The following CCDC43 variants were observed in gnomAD, a reference collection of about 807,000 sequenced individuals.
The protein encoded by CCDC43 is coiled-coil domain containing 43.
CCDC43 carries 20 observed loss-of-function variants against 33.3 expected under a neutral mutation model. The observed-to-expected ratio is 0.60, with a 90% CI of 0.42 to 0.87. The LOEUF is 0.87. CCDC43 is among the 40% of genes least tolerant of loss of function. The pLI is 0.00. For synonymous variants in CCDC43, 104 were observed against 106.5 expected (o/e 0.98, Z 0.14); for missense variants, 248 against 269.9 (o/e 0.92, Z 0.57).
rs1301654231 is a variant in CCDC43, at chr17:44,689,476, G to A, written c.204+74C>T. ...TGAGCCTCTGGGATACCCGGTAGGG[G>A]AGGGAGGGTGCAAAGTACTGACAGG... On this transcript the variant is annotated intron_variant, in intron 1 of 4. Coordinates refer to ENST00000315286, the MANE Select transcript of CCDC43 (RefSeq NM_144609.3). 4.4e-6 allele frequency: 7 copies of A among 1,590,316 alleles called. No individual in the cohort carries two copies. In the East Asian group the frequency reaches 1.4e-4, roughly 31 times the overall value.
Position 44,689,723 on chromosome 17 carries a change from C to G in CCDC43, c.31G>C (p.Ala11Pro). ...CCTCCGCCATCGCCTTCGCCAGGGG[C>G]TATCGCGGCCACTTCGCTGGGCGCC... MAAPSEVAAI[A>P]PGEGDGGGGG... Residue 11 changes from alanine (A) to proline (P), a missense_variant, in exon 1 of 5, where the codon GCC becomes CCC. Transcript: ENST00000315286. 2 of 1,584,554 alleles carry G rather than the reference C, an allele frequency of 1.3e-6. No homozygotes were observed. Among genetic ancestry groups the G allele is most frequent in the East Asian group, 2.3e-5 (1 of 43,150 alleles).
At chr17:44,688,426 T>C (rs1228933224) in intron 1 of CCDC43, 1 of 152,286 alleles carries the variant, frequency 6.6e-6, no homozygotes, top group African/African-American at 2.4e-5. Flanking sequence ...GTGGTGAGAT[T>C]ACAAACATGA....
intron 1 of CCDC43, among the ~76,000 whole-genome samples, chr17:44,685,242 A>G (rs1972217544): frequency 6.6e-6 from 1 of 152,116 alleles, no homozygotes; most frequent in Admixed American, 6.6e-5. Context: ...CCTAAGTCAA[A>G]ACTCCTCTGT....
At chr17:44,679,318 T>A (rs1453528652) in intron 4 of CCDC43, among the ~76,000 whole-genome samples, 2 of 151,900 alleles carry the variant, frequency 1.3e-5, no homozygotes, top group Admixed American at 6.6e-5. Context: ...AACAAAAAAA[T>A]AAGAAAACAA....
chr17:44,677,763 G>A lies in CCDC43; in HGVS notation c.*1093C>T, dbSNP rs1972098613. 6.6e-6 allele frequency: 1 copy of A among 151,938 alleles called. No individual in the cohort carries two copies. Among genetic ancestry groups the A allele is most frequent in the South Asian group, 2.1e-4 (1 of 4,818 alleles). The allele number at this position is 151,938 out of a possible 1,614,324, so 9.4% of individuals were successfully genotyped here. A position where few individuals can be genotyped will look rare whatever the true frequency, so the allele number is the denominator to read the frequency against. Reference sequence around the variant, plus strand: ...TACAAAAACAGACTGGGCCAAATTCGGCCCGTGGGCAGTAGTTTGCCAACC... The same window carrying A: ...TACAAAAACAGACTGGGCCAAATTCAGCCCGTGGGCAGTAGTTTGCCAACC... On this transcript the variant is annotated 3_prime_UTR_variant, in exon 5 of 5. Transcript: ENST00000315286.
At chr17:44,688,475 T>A (rs1972274627) in intron 1 of CCDC43, among the ~76,000 whole-genome samples, 1 of 152,158 alleles carries the variant, frequency 6.6e-6, no homozygotes, top group African/African-American at 2.4e-5. Context: ...TTGATTCTAT[T>A]ACTAGCCTTT....
At chr17:44,687,685 CTGGTACCAAGAAG>C (rs1477719762) in intron 1 of CCDC43, 10 of 151,974 alleles carry the variant, frequency 6.6e-5, no homozygotes, top group Non-Finnish European at 1.2e-4. Flanking sequence ...GATCAAGAAG[CTGGTACCAAGAAG>C]TCTCAAAGTT....
At chr17:44,682,391 T>TA (rs67280453) in intron 2 of CCDC43, among the ~76,000 whole-genome samples, 63,744 of 100,810 alleles carry the variant, frequency 0.63, 20,088 homozygotes, top group Admixed American at 0.67. Flanking sequence ...TCTGCTGCCT[T>TA]AAAAAAAAAA....
At chr17:44,689,367 G>A (rs1464991641) in intron 1 of CCDC43, 183 bp downstream of exon 1, 1 of 792,636 alleles carries the variant, frequency 1.3e-6, no homozygotes, top group Non-Finnish European at 1.9e-6. Context: ...GCAGCTTTCA[G>A]GCTTCCCACA....
chr17:44,683,199 T>TAAAG (rs571686165), intron 2 of CCDC43, among the ~76,000 whole-genome samples: 26 of 152,292 alleles, frequency 1.7e-4, no homozygotes, highest in Non-Finnish European at 2.6e-4. Flanking sequence ...TTTAGCTGAA[T>TAAAG]AAAGCCAAAT....
At chr17:44,680,744 G>A (rs1243948326) in intron 3 of CCDC43, 101 bp from the exon 4 acceptor site, 4 of 819,290 alleles carry the variant, frequency 4.9e-6, no homozygotes, top group Non-Finnish European at 8.5e-6. Context: ...CTGAATGGAG[G>A]GAGCACATTA....
At chr17:44,680,397 C>T (rs1210691005) in intron 4 of CCDC43, among the ~76,000 whole-genome samples, 188 bp downstream of exon 4, 1 of 152,130 alleles carries the variant, frequency 6.6e-6, no homozygotes, top group Non-Finnish European at 1.5e-5. Flanking sequence ...TACTTGTTAA[C>T]TTGTTTTCTC....
Position 44,689,669 on chromosome 17 carries a change from G to T in CCDC43, c.85C>A (p.Arg29=), listed in dbSNP as rs377376704. 2 of 1,612,670 alleles carry T rather than the reference G, an allele frequency of 1.2e-6. No individual in the cohort carries two copies. The highest frequency in any genetic ancestry group is 1.1e-5 in the South Asian group (1 of 90,876). The change falls in exon 1 of 5, where the codon CGG becomes AGG. Residue 29 remains arginine (R), a synonymous_variant. Coordinates refer to ENST00000315286, the MANE Select transcript of CCDC43 (RefSeq NM_144609.3). ...CGGTCCACTCCCAGTGCCTCCAACC[G>T]TCCGTCCAGCCAGGAGCCAAAGCCG... ...GGGFGSWLDG[R]LEALGVDRAV...
Position 44,680,627 on chromosome 17 carries a change from C to T in CCDC43, c.445G>A (p.Asp149Asn), listed in dbSNP as rs772433437. 6.2e-7 allele frequency: 1 copy of T among 1,608,830 alleles called. No individual in the cohort carries two copies. The highest frequency in any genetic ancestry group is 2.2e-5 in the East Asian group (1 of 44,782). ...TTCATTGTGGTAGCACCTGAATCAT[C>T]CTTCTCATCTGCTTCAGTAAGTGAT... Reference protein sequence around the residue: ...TDEEDEADEKDDSGATTMNIG... With the variant: ...TDEEDEADEKNDSGATTMNIG... Residue 149 changes from aspartate (D) to asparagine (N), a missense_variant, in exon 4 of 5, where the codon GAT (aspartate) becomes AAT (asparagine). Physicochemically the swap from Asp to Asn is conservative, Grantham distance 23. Transcript: ENST00000315286.
rs761304877 is a variant in CCDC43 at position 44,689,742 on chromosome 17, G to A, written c.12C>T (p.Pro4=). ...CAGGGGCTATCGCGGCCACTTCGCTGGGCGCCGCCATCTTGGGGTCAGGGT... is the reference window on the plus strand; with the variant it reads ...CAGGGGCTATCGCGGCCACTTCGCTAGGCGCCGCCATCTTGGGGTCAGGGT... MAA[P]SEVAAIAPGE... is the part of the protein sequence containing the mutation. The change falls in exon 1 of 5, where the codon CCC becomes CCT. Residue 4 remains proline, a synonymous_variant. Coordinates refer to ENST00000315286, the MANE Select transcript of CCDC43 (RefSeq NM_144609.3). 1 of 1,561,206 alleles carries A rather than the reference G, an allele frequency of 6.4e-7. No homozygotes were observed. Among genetic ancestry groups the A allele is most frequent in the Admixed American group, 1.9e-5 (1 of 52,158 alleles).
At chr17:44,679,371 A>C (rs568455945) in intron 4 of CCDC43, among the ~76,000 whole-genome samples, 1 of 152,190 alleles carries the variant, frequency 6.6e-6, no homozygotes, top group Non-Finnish European at 1.5e-5. Context: ...ATAAGTACTT[A>C]TATCATTCAA....
Position 44,678,181 on chromosome 17 carries a change from G to A in CCDC43, c.*675C>T, listed in dbSNP as rs754436810. The A allele has an allele frequency of 1.3e-5, 2 of 151,806 alleles. No homozygotes were observed. Among genetic ancestry groups the A allele is most frequent in the Admixed American group, 6.6e-5 (1 of 15,160 alleles). The allele number at this position is 151,806 out of a possible 1,614,324, so 9.4% of individuals were successfully genotyped here. Reference sequence around the variant, plus strand: ...TACATGATTATACAAAATGAATCTAGCCAACAATGATATCCTTGCACCCAA... The same window carrying A: ...TACATGATTATACAAAATGAATCTAACCAACAATGATATCCTTGCACCCAA... On this transcript the variant is annotated 3_prime_UTR_variant, in exon 5 of 5. Transcript: ENST00000315286.
At chr17:44,683,723 A>G in intron 2 of CCDC43, 149 bp downstream of exon 2, 1 of 579,088 alleles carries the variant, frequency 1.7e-6, no homozygotes, top group South Asian at 2.5e-5. Flanking sequence ...CAGTAAAGGT[A>G]ACACAGGCTG....
rs770767662 is a variant in CCDC43, at chr17:44,689,720, G to A, written c.34C>T (p.Pro12Ser). ...AAPSEVAAIA[P>S]GEGDGGGGGF... Reference sequence around the variant, plus strand: ...CCGCCTCCGCCATCGCCTTCGCCAGGGGCTATCGCGGCCACTTCGCTGGGC... The same window carrying A: ...CCGCCTCCGCCATCGCCTTCGCCAGAGGCTATCGCGGCCACTTCGCTGGGC... Residue 12 changes from proline to serine, a missense_variant, in exon 1 of 5, where the codon CCT (proline) becomes TCT (serine). Transcript: ENST00000315286. 44 of 1,586,724 alleles carry A rather than the reference G, an allele frequency of 2.8e-5. No homozygotes were observed. In the South Asian group the frequency reaches 3.6e-4, roughly 13 times the overall value.
Sources: gnomAD v4.1 joint callset for allele counts (sites outside exome capture counted in the v4.1 genomes callset) on GRCh38, gnomAD v4.1.1 for gene constraint, MANE v1.5 for transcripts, NCBI Gene and HGNC (gene_info 2026-07-23, HGNC 2026-07-21) for gene names.